The following HDAC9 variants were observed in gnomAD, a reference collection of about 807,000 sequenced individuals.
HDAC9 encodes histone deacetylase 9, also known as MEF-2 interacting transcription repressor (MITR) protein.
A neutral mutation model predicts 139.4 loss-of-function variants in HDAC9; 41 were observed. The ratio of observed to expected loss-of-function variants is 0.29; its 90% confidence interval spans 0.23 to 0.38. HDAC9 has a LOEUF of 0.38. Among genes scored for constraint, HDAC9 ranks in the 10% least tolerant of loss-of-function variants. The pLI, the probability that HDAC9 is intolerant of heterozygous loss-of-function variation, is 1.00. For missense variants in HDAC9, 1,147 were observed against 1,297.0 expected (o/e 0.88, Z 1.78); for synonymous variants, 517 against 476.2 (o/e 1.09, Z -1.12).
intron 2 of HDAC9, among the ~76,000 whole-genome samples, chr7:18,250,498 C>T (rs1794849077): frequency 6.6e-6 from 1 of 152,194 alleles, no homozygotes; most frequent in African/African-American, 2.4e-5. Flanking sequence ...TAGTTGTGGG[C>T]TTACTGTGGG....
At chr7:18,947,118 T>C (rs1782459139) in intron 23 of HDAC9, among the ~76,000 whole-genome samples, 1 of 152,028 alleles carries the variant, frequency 6.6e-6, no homozygotes, top group Non-Finnish European at 1.5e-5. Context: ...TTGTGTGATA[T>C]ATAAAGCTGA....
intron 1 of HDAC9, among the ~76,000 whole-genome samples, chr7:18,315,654 A>T (rs1278684643): frequency 6.6e-6 from 1 of 152,220 alleles, no homozygotes; most frequent in Admixed American, 6.5e-5. Context: ...AATTTAAGTG[A>T]TTAAATTCAT....
chr7:18,177,666 A>T (rs541931540), intron 2 of HDAC9, among the ~76,000 whole-genome samples: 17 of 152,280 alleles, frequency 1.1e-4, no homozygotes, highest in Admixed American at 9.8e-4. Context: ...TCTGGAACTT[A>T]CCTTAGTACT....
At chr7:18,621,313 A>G (rs1384989831) in intron 6 of HDAC9, among the ~76,000 whole-genome samples, 6 of 151,914 alleles carry the variant, frequency 3.9e-5, no homozygotes, top group Non-Finnish European at 8.8e-5. Flanking sequence ...TTTAGAGTAT[A>G]CACAAATTTT....
chr7:18,145,022 CTT>C (rs1451257143), intron 1 of HDAC9, among the ~76,000 whole-genome samples: 3 of 152,212 alleles, frequency 2.0e-5, no homozygotes, highest in African/African-American at 7.2e-5. Context: ...GCCACAAAGA[CTT>C]AAGTTTCACT....
intron 21 of HDAC9, among the ~76,000 whole-genome samples, chr7:18,848,695 G>A (rs747829189): frequency 1.3e-5 from 2 of 151,916 alleles, no homozygotes; most frequent in Non-Finnish European, 2.9e-5. Flanking sequence ...AACCTGAGCA[G>A]AATAAGACAG....
intron 2 of HDAC9, among the ~76,000 whole-genome samples, chr7:18,162,992 T>TA (rs1787751441): frequency 6.6e-6 from 1 of 152,196 alleles, no homozygotes; most frequent in Non-Finnish European, 1.5e-5. Context: ...TAGGGTCAGA[T>TA]ACCACATACT....
intron 16 of HDAC9, among the ~76,000 whole-genome samples, chr7:18,773,364 TACACAC>T (rs4043674): frequency 0.33 from 46,899 of 142,456 alleles, 8,170 homozygotes; most frequent in Non-Finnish European, 0.41. Flanking sequence ...AAAAACTGTA[TACACAC>T]ACACACACAC....
At chr7:18,581,822 T>A (rs1827923577) in intron 2 of HDAC9, among the ~76,000 whole-genome samples, 1 of 152,216 alleles carries the variant, frequency 6.6e-6, no homozygotes, top group Non-Finnish European at 1.5e-5. Flanking sequence ...TTACAGGCCA[T>A]CATTCTAATT....
intron 22 of HDAC9, among the ~76,000 whole-genome samples, chr7:18,902,585 A>G (rs1024187156): frequency 7.2e-5 from 11 of 152,208 alleles, no homozygotes; most frequent in African/African-American, 2.4e-4. Flanking sequence ...TTTTATTTCT[A>G]ATAGAATTGC....
At chr7:18,836,247 C>A (rs1458827759) in intron 21 of HDAC9, among the ~76,000 whole-genome samples, 3 of 152,108 alleles carry the variant, frequency 2.0e-5, no homozygotes, top group Admixed American at 6.5e-5. Flanking sequence ...TTAAATAGTT[C>A]TCTCTGGAAA....
Position 18,484,839 on chromosome 7 carries a change from C to A in HDAC9, c.-41-11423C>A, listed in dbSNP as rs578151665. ...TTGCATGGCAGTCTGGATGACAGAGCAAGACCCCACCTGTAAAAAAAAAAA... is the reference window on the plus strand; with the variant it reads ...TTGCATGGCAGTCTGGATGACAGAGAAAGACCCCACCTGTAAAAAAAAAAA... On this transcript the variant is annotated intron_variant, in intron 1 of 3. Coordinates refer to the HDAC9 transcript ENST00000413509. Among the ~76,000 whole-genome samples, 25 of 146,926 alleles carry A rather than the reference C, an allele frequency of 1.7e-4. No homozygotes were observed. The South Asian group carries it at 5.4e-3, about 32-fold the overall frequency.
intron 1 of HDAC9, among the ~76,000 whole-genome samples, chr7:18,097,659 C>T (rs1220241415): frequency 1.3e-5 from 2 of 152,088 alleles, no homozygotes; most frequent in Non-Finnish European, 2.9e-5. Context: ...CCTTGAACTC[C>T]TGGGCTCAGC....
At chr7:18,427,594 T>C (rs1415589617) in intron 1 of HDAC9, among the ~76,000 whole-genome samples, 2 of 151,950 alleles carry the variant, frequency 1.3e-5, no homozygotes, top group Non-Finnish European at 2.9e-5. Flanking sequence ...CCACCATGGC[T>C]CTTGGATTAT....
At chr7:18,452,661 A>G (rs1030669586) in intron 1 of HDAC9, among the ~76,000 whole-genome samples, 4 of 152,188 alleles carry the variant, frequency 2.6e-5, no homozygotes, top group African/African-American at 9.6e-5. Context: ...TAATTGAATC[A>G]TGGGGACAGG....
At chr7:18,559,568 A>G (rs1464232141) in intron 2 of HDAC9, among the ~76,000 whole-genome samples, 1 of 151,996 alleles carries the variant, frequency 6.6e-6, no homozygotes, top group Non-Finnish European at 1.5e-5. Flanking sequence ...GACATTCCCC[A>G]TCTCTTTTTT....
intron 24 of HDAC9, among the ~76,000 whole-genome samples, chr7:18,972,779 A>G (rs916052340): frequency 2.0e-5 from 3 of 152,182 alleles, no homozygotes; most frequent in African/African-American, 7.2e-5. Context: ...CAATAGTGCA[A>G]TTTTATGAGA....
At chr7:18,664,885 A>G (rs1794363084) in intron 11 of HDAC9, among the ~76,000 whole-genome samples, 1 of 152,102 alleles carries the variant, frequency 6.6e-6, no homozygotes, top group African/African-American at 2.4e-5. Flanking sequence ...AGCAGTGGCT[A>G]TTTTTCTAAT....
At chr7:18,223,097 T>G (rs1792814201) in intron 2 of HDAC9, among the ~76,000 whole-genome samples, 1 of 152,144 alleles carries the variant, frequency 6.6e-6, no homozygotes, top group Non-Finnish European at 1.5e-5. Context: ...TTAGTGTAGT[T>G]GAGAAGAATG....
Sources: allele counts gnomAD v4.1 joint callset (sites outside exome capture counted in the v4.1 genomes callset), GRCh38; gene constraint gnomAD v4.1.1; transcripts MANE v1.5; gene names NCBI Gene and HGNC (gene_info 2026-07-23, HGNC 2026-07-21).